The following TMEM232 variants were observed in gnomAD, a reference collection of about 807,000 sequenced individuals.
TMEM232 encodes transmembrane protein 232.
Under a neutral mutation model 78.8 loss-of-function variants are expected in TMEM232, and 80 were observed. That is an observed-to-expected ratio of 1.01 (90% CI 0.85 to 1.22). TMEM232 has a LOEUF of 1.22. Ranked by LOEUF, TMEM232 falls within the 50% of genes most tolerant of loss-of-function variation. The pLI is 0.00. For missense variants in TMEM232, 881 were observed against 742.2 expected (o/e 1.19, Z -2.17); for synonymous variants, 297 against 254.3 (o/e 1.17, Z -1.60).
chr5:110,688,867 T>A lies in TMEM232; in HGVS notation c.-12-21503A>T, dbSNP rs1345690785. Among the ~76,000 whole-genome samples, 3 of 152,204 alleles carry A rather than the reference T, an allele frequency of 2.0e-5. No homozygotes were observed. In the East Asian group the frequency reaches 5.8e-4, roughly 29 times the overall value. ...GCCCACAGGGAAATTCCTGGTGAGC[T>A]GCTAAAACTTCACCATGGCAATGCA... is the stretch of plus-strand genomic sequence containing the variant. On this transcript the variant is annotated intron_variant, in intron 1 of 13. Coordinates refer to ENST00000455884, the MANE Select transcript of TMEM232 (RefSeq NM_001039763.4).
chr5:110,663,553 T>C (rs1389339324), intron 2 of TMEM232, among the ~76,000 whole-genome samples: 10 of 152,044 alleles, frequency 6.6e-5, no homozygotes, highest in Non-Finnish European at 1.3e-4. Context: ...ACTAAAACTG[T>C]ATTAAGAAAA....
At chr5:110,464,517 A>C (rs570390711) in intron 12 of TMEM232, among the ~76,000 whole-genome samples, 3 of 152,278 alleles carry the variant, frequency 2.0e-5, no homozygotes, top group Admixed American at 6.5e-5. Context: ...GAATGCCATA[A>C]ATGTAAATGG....
chr5:110,617,617 C>T (rs549496051), intron 8 of TMEM232, among the ~76,000 whole-genome samples: 20 of 152,168 alleles, frequency 1.3e-4, no homozygotes, highest in African/African-American at 4.8e-4. Context: ...TTTTTCTCAT[C>T]TTAAATTAAC....
intron 11 of TMEM232, among the ~76,000 whole-genome samples, chr5:110,546,667 G>T (rs1773816103): frequency 6.6e-6 from 1 of 152,078 alleles, no homozygotes; most frequent in South Asian, 2.1e-4. Flanking sequence ...AGATCTAAGT[G>T]TCTGAGGCAC....
At chr5:110,647,615 T>C (rs563201867) in intron 2 of TMEM232, among the ~76,000 whole-genome samples, 13 of 151,944 alleles carry the variant, frequency 8.6e-5, no homozygotes, top group Non-Finnish European at 1.9e-4. Flanking sequence ...TTTCCCAGAA[T>C]TATATTTTTG....
chr5:110,583,586 G>T (rs568758719), intron 10 of TMEM232, among the ~76,000 whole-genome samples: 1 of 151,658 alleles, frequency 6.6e-6, no homozygotes, highest in South Asian at 2.1e-4. Context: ...ATGATTTTTC[G>T]GAAATAACAC....
At chr5:110,633,227 AT>A (rs1031887881) in intron 5 of TMEM232, among the ~76,000 whole-genome samples, 10 of 152,228 alleles carry the variant, frequency 6.6e-5, no homozygotes, top group African/African-American at 2.4e-4. Flanking sequence ...CTTACAAAAA[AT>A]GTTCAAGGGA....
At chr5:110,590,852 G>A (rs778581518) in intron 10 of TMEM232, among the ~76,000 whole-genome samples, 22 of 152,254 alleles carry the variant, frequency 1.4e-4, no homozygotes, top group Non-Finnish European at 3.1e-4. Flanking sequence ...GGCAGCAGGA[G>A]AGAGAAGAGC....
chr5:110,477,789 G>C (rs1193470249), intron 12 of TMEM232, among the ~76,000 whole-genome samples: 1 of 151,718 alleles, frequency 6.6e-6, no homozygotes. Flanking sequence ...TGCTCATTTT[G>C]TATAATAGAA....
At chr5:110,398,770 A>C (rs1371689282) in intron 2 of TMEM232, among the ~76,000 whole-genome samples, 1 of 151,982 alleles carries the variant, frequency 6.6e-6, no homozygotes, top group African/African-American at 2.4e-5. Context: ...TTTTCATTCC[A>C]TAGAATTTCT....
At chr5:110,723,237 G>C (rs1797823147) in intron 1 of TMEM232, among the ~76,000 whole-genome samples, 1 of 151,996 alleles carries the variant, frequency 6.6e-6, no homozygotes, top group South Asian at 2.1e-4. Flanking sequence ...GTGAGTTTTG[G>C]CAGTGGTTAT....
chr5:110,463,876 C>A (rs1176689638), intron 12 of TMEM232, among the ~76,000 whole-genome samples: 1 of 152,164 alleles, frequency 6.6e-6, no homozygotes, highest in East Asian at 1.9e-4. Context: ...TCTGTGTTCT[C>A]CAGTCACACT....
intron 12 of TMEM232, among the ~76,000 whole-genome samples, chr5:110,447,151 G>A (rs1210281750): frequency 6.7e-6 from 1 of 149,572 alleles, no homozygotes; most frequent in Non-Finnish European, 1.5e-5. Flanking sequence ...ATATATATGT[G>A]TATATATATA....
At chr5:110,480,840 T>C (rs1763784090) in intron 12 of TMEM232, among the ~76,000 whole-genome samples, 1 of 152,102 alleles carries the variant, frequency 6.6e-6, no homozygotes, top group African/African-American at 2.4e-5. Flanking sequence ...AATATCAACC[T>C]ATTCCATGAT....
chr5:110,662,053 G>C (rs1010836169), intron 2 of TMEM232, among the ~76,000 whole-genome samples: 1 of 152,108 alleles, frequency 6.6e-6, no homozygotes. Context: ...ATAGTCCCTT[G>C]TCAGTCAAAT....
chr5:110,400,545 T>G (rs1218178100), intron 2 of TMEM232, among the ~76,000 whole-genome samples: 2 of 151,882 alleles, frequency 1.3e-5, no homozygotes, highest in Non-Finnish European at 2.9e-5. Flanking sequence ...ACATCAGATG[T>G]CATATGTGTA....
intron 2 of TMEM232, among the ~76,000 whole-genome samples, chr5:110,650,827 C>A (rs993043641): frequency 3.3e-5 from 5 of 151,770 alleles, no homozygotes; most frequent in African/African-American, 1.2e-4. Flanking sequence ...CCTTAATAGT[C>A]ATGTATTAAC....
At chr5:110,738,276 C>T (rs1193186749), upstream of TMEM232, 1 of 1,273,686 alleles carries the variant, frequency 7.9e-7, no homozygotes, top group Non-Finnish European at 1.0e-6. Context: ...CAGTAGTCCT[C>T]TCAGTTATTC....
intron 2 of TMEM232, among the ~76,000 whole-genome samples, chr5:110,401,481 C>T (rs73217183): frequency 0.031 from 4,669 of 152,102 alleles, 264 homozygotes; most frequent in African/African-American, 0.11. Flanking sequence ...CAAGAGTTTT[C>T]CTTCTCTAAC....
Sources: gnomAD v4.1 joint callset for allele counts (sites outside exome capture counted in the v4.1 genomes callset) on GRCh38, gnomAD v4.1.1 for gene constraint, MANE v1.5 for transcripts, NCBI Gene and HGNC (gene_info 2026-07-23, HGNC 2026-07-21) for gene names.